Variants in CXADR observed in about 807,000 individuals in gnomAD.
CXADR encodes CXADR cell adhesion molecule, also known as coxsackievirus and adenovirus receptor.
Under a neutral mutation model 40.3 loss-of-function variants are expected in CXADR, and 20 were observed. That is an observed-to-expected ratio of 0.50 (90% CI 0.35 to 0.72). CXADR has a LOEUF of 0.72. Among genes scored for constraint, CXADR ranks in the 30% least tolerant of loss-of-function variants. The pLI, the probability that CXADR is intolerant of heterozygous loss-of-function variation, is 0.01. For synonymous variants in CXADR, 150 were observed against 161.3 expected, an observed-to-expected ratio of 0.93 and a Z score of 0.53; for missense variants, 332 against 449.1, an observed-to-expected ratio of 0.74 and a Z score of 2.36.
At chr21:17,516,697 G>A (rs896227491) in intron 1 of CXADR, among the ~76,000 whole-genome samples, 2 of 152,204 alleles carry the variant, frequency 1.3e-5, no homozygotes, top group African/African-American at 4.8e-5. Flanking sequence ...GGGGTTGAAG[G>A]TGGAAGGGTT....
Position 17,567,504 on chromosome 21 carries a change from C to G in CXADR, c.*1812C>G, listed in dbSNP as rs2061225437. The G allele has an allele frequency of 1.0e-6, 1 of 985,306 alleles. No individual in the cohort carries two copies. 61.0% of individuals were successfully genotyped at this position (985,306 alleles called of 1,614,324 possible). The stretch of plus-strand genomic sequence containing the variant: ...GTGCTTAGAGGTGAAGGTACTGTTT[C>G]TAAAAACACATCACTGTGATACCTT... On this transcript the variant is annotated 3_prime_UTR_variant, in exon 7 of 7. Coordinates refer to ENST00000284878, the MANE Select transcript of CXADR (RefSeq NM_001338.5).
At chr21:17,600,032 ATTTTTT>A in the CXADR span, among the ~76,000 whole-genome samples, 1 of 152,148 alleles carries the variant, frequency 6.6e-6, no homozygotes, top group African/African-American at 2.4e-5. Flanking sequence ...TCTCATCTTA[ATTTTTT>A]TTAAGGTAAG....
chr21:17,624,194 A>G, the CXADR span, among the ~76,000 whole-genome samples: 1 of 152,004 alleles, frequency 6.6e-6, no homozygotes, highest in African/African-American at 2.4e-5. Context: ...CTCTTGCTTC[A>G]TCTCCTGCTA....
chr21:17,572,114 C>T (rs1000558852), downstream of CXADR, among the ~76,000 whole-genome samples: 1 of 151,874 alleles, frequency 6.6e-6, no homozygotes, highest in African/African-American at 2.4e-5. Context: ...GTAATCCCAG[C>T]ACTTTGGGAC....
At chr21:17,628,570 G>A in the CXADR span, among the ~76,000 whole-genome samples, 7 of 151,872 alleles carry the variant, frequency 4.6e-5, no homozygotes, top group African/African-American at 1.2e-4. Context: ...GCGTGATCTC[G>A]GCTCACTGCA....
rs535723675 is a variant in CXADR at position 17,523,340 on chromosome 21, C to T, written c.43+10168C>T. Among the ~76,000 whole-genome samples the T allele has an allele frequency of 2.0e-5, 3 of 152,210 alleles. No individual in the cohort carries two copies. In the East Asian group the frequency reaches 5.8e-4, roughly 29 times the overall value. On this transcript the variant is annotated intron_variant, in intron 1 of 6. Coordinates refer to ENST00000284878, the MANE Select transcript of CXADR (RefSeq NM_001338.5). Reference sequence around the variant, plus strand: ...TCATGTTTGTAGGCTTGGGAAGGACCTAGAAGAGAAAGAGCATTTGAAGAT... The same window carrying T: ...TCATGTTTGTAGGCTTGGGAAGGACTTAGAAGAGAAAGAGCATTTGAAGAT...
At chr21:17,575,423 A>G (rs1013750100) in intron 7 of CXADR, among the ~76,000 whole-genome samples, 3 of 150,330 alleles carry the variant, frequency 2.0e-5, no homozygotes, top group African/African-American at 7.4e-5. Context: ...CTCAAGTGAT[A>G]CCCCTGCCAC....
chr21:17,566,447 G>A lies in CXADR; in HGVS notation c.*755G>A. ...TGAGATGACACTAGGTGCAATAGCA[G>A]GGATAGATTTTGTTGGTGAGTAGTC... is the stretch of plus-strand genomic sequence containing the variant. On this transcript the variant is annotated 3_prime_UTR_variant, in exon 7 of 7. Coordinates refer to ENST00000284878, the MANE Select transcript of CXADR (RefSeq NM_001338.5). The A allele has an allele frequency of 1.0e-6, 1 of 985,404 alleles. No individual in the cohort carries two copies. The highest frequency in any genetic ancestry group is 1.2e-6 in the Non-Finnish European group (1 of 829,926). The allele number at this position is 985,404 out of a possible 1,614,324, so 61.0% of individuals were successfully genotyped here. A position where few individuals can be genotyped will look rare whatever the true frequency, so the allele number is the denominator to read the frequency against.
At chr21:17,578,821 C>A (rs1319245112) in intron 7 of CXADR, among the ~76,000 whole-genome samples, 1 of 152,096 alleles carries the variant, frequency 6.6e-6, no homozygotes, top group East Asian at 1.9e-4. Context: ...AAGACCTTGT[C>A]TTCAAAAAAA....
the CXADR span, among the ~76,000 whole-genome samples, chr21:17,619,253 C>T: frequency 3.1e-4 from 47 of 152,258 alleles, no homozygotes; most frequent in South Asian, 9.7e-3. Flanking sequence ...GGCGCAATGC[C>T]TCAAGCCTGT....
Position 17,514,201 on chromosome 21 carries a change from G to A in CXADR, c.43+1029G>A, listed in dbSNP as rs59432273. 3.7e-3 allele frequency among the ~76,000 whole-genome samples: 561 copies of A among 152,160 alleles called. 4 individuals carry two copies. The highest frequency in any genetic ancestry group is 0.013 in the African/African-American group (534 of 41,510). On this transcript the variant is annotated intron_variant, in intron 1 of 6. Transcript: ENST00000284878. ...GGCGCACTTAGTATAGCCTCTGGAA[G>A]GGTAATTTTTTGTTGTTAGGTGCTC...
At chr21:17,600,044 G>A in the CXADR span, among the ~76,000 whole-genome samples, 2 of 151,850 alleles carry the variant, frequency 1.3e-5, no homozygotes, top group African/African-American at 2.4e-5. Flanking sequence ...TTTTTTTAAG[G>A]TAAGATGAAA....
At chr21:17,528,572 A>AT (rs2060629018) in intron 1 of CXADR, among the ~76,000 whole-genome samples, 3 of 150,664 alleles carry the variant, frequency 2.0e-5, no homozygotes, top group South Asian at 4.2e-4. Flanking sequence ...CGCCCAGCTA[A>AT]TTTTTTGTAT....
At chr21:17,530,150 C>CG (rs1380853860) in intron 1 of CXADR, among the ~76,000 whole-genome samples, 2 of 113,368 alleles carry the variant, frequency 1.8e-5, no homozygotes, top group Non-Finnish European at 3.5e-5. Flanking sequence ...TTAGTAGAGA[C>CG]GGGGTTTCAC....
the CXADR span, among the ~76,000 whole-genome samples, chr21:17,624,638 T>C: frequency 6.6e-6 from 1 of 152,174 alleles, no homozygotes; most frequent in Admixed American, 6.5e-5. Flanking sequence ...TAGGATAATC[T>C]CTTTATCTTA....
the CXADR span, among the ~76,000 whole-genome samples, chr21:17,617,408 T>C: frequency 1.3e-5 from 2 of 152,192 alleles, no homozygotes; most frequent in African/African-American, 2.4e-5. Context: ...TTTATTTTAG[T>C]ATATGTGCTG....
At chr21:17,618,649 G>A in the CXADR span, among the ~76,000 whole-genome samples, 3 of 151,960 alleles carry the variant, frequency 2.0e-5, no homozygotes, top group Non-Finnish European at 4.4e-5. Context: ...CAATTCTCTG[G>A]CCTCAGCCTC....
the CXADR span, among the ~76,000 whole-genome samples, chr21:17,601,572 CCTCACAACATAAAATTT>C: frequency 6.6e-6 from 1 of 152,154 alleles, no homozygotes; most frequent in Non-Finnish European, 1.5e-5. Context: ...CAATTGAGTT[CCTCACAACATAAAATTT>C]GTGTTCTCTA....
chr21:17,624,187 TTGCTTCATCTCC>T, the CXADR span, among the ~76,000 whole-genome samples: 5 of 152,182 alleles, frequency 3.3e-5, no homozygotes, highest in African/African-American at 1.2e-4. Context: ...TCTCCCTCTC[TTGCTTCATCTCC>T]TGCTATACTC....
Sources: allele counts gnomAD v4.1 joint callset (sites outside exome capture counted in the v4.1 genomes callset), GRCh38; gene constraint gnomAD v4.1.1; transcripts MANE v1.5; gene names NCBI Gene and HGNC (gene_info 2026-07-23, HGNC 2026-07-21).